The following VWF variants were observed in gnomAD, a reference collection of about 807,000 sequenced individuals.
VWF encodes the protein Factor VIII related antigen.
In VWF, 176 loss-of-function variants were observed where a neutral mutation model predicts 308.6. The ratio of observed to expected loss-of-function variants is 0.57; its 90% confidence interval spans 0.50 to 0.65. VWF has a LOEUF of 0.65. Among genes scored for constraint, VWF ranks in the 30% least tolerant of loss-of-function variants. The pLI is 0.00. For synonymous variants in VWF, 1,385 were observed against 1,443.4 expected (o/e 0.96, Z 0.92); for missense variants, 3,146 against 3,648.2 (o/e 0.86, Z 3.55).
chr12:6,101,450 G>T (rs1945160350), intron 5 of VWF, among the ~76,000 whole-genome samples: 1 of 151,518 alleles, frequency 6.6e-6, no homozygotes, highest in Admixed American at 6.6e-5. Context: ...AAAAAAAAAT[G>T]GAAGTAAGGT....
intron 6 of VWF, among the ~76,000 whole-genome samples, chr12:6,094,903 A>C (rs565004327): frequency 0.011 from 314 of 27,730 alleles, 1 homozygote; most frequent in Middle Eastern, 0.059. Context: ...TTTTTTTTTG[A>C]GACAGAGTCT....
intron 18 of VWF, among the ~76,000 whole-genome samples, chr12:6,044,072 A>T (rs2136439944): frequency 6.6e-6 from 1 of 152,128 alleles, no homozygotes; most frequent in East Asian, 1.9e-4. Flanking sequence ...TCCTGTGAGG[A>T]TCAACCCCAG....
chr12:6,114,068 G>A (rs973415306), intron 3 of VWF, among the ~76,000 whole-genome samples: 4 of 152,146 alleles, frequency 2.6e-5, no homozygotes, highest in East Asian at 1.9e-4. Flanking sequence ...GTTCTGCCTC[G>A]GCTTCACTGG....
Position 5,949,129 on chromosome 12 carries a change from C to T in VWF, c.8328G>A (p.Pro2776=), listed in dbSNP as rs780686569. 3.1e-6 allele frequency: 5 copies of T among 1,614,112 alleles called. No individual in the cohort carries two copies. The highest frequency in any genetic ancestry group is 1.7e-5 in the Admixed American group (1 of 60,012). ...DVQDQCSCCS[P]TRTEPMQVAL... ...CCACCTGCATGGGCTCCGTCCGTGTCGGAGAGCAGCAGGAGCACTGGTCCT... is the reference window on the plus strand; with the variant it reads ...CCACCTGCATGGGCTCCGTCCGTGTTGGAGAGCAGCAGGAGCACTGGTCCT... Residue 2776 remains proline (P), a synonymous_variant, in exon 52 of 52, where the codon CCG becomes CCA. Coordinates refer to ENST00000261405, the MANE Select transcript of VWF (RefSeq NM_000552.5).
In VWF at chr12:6,092,614, T is replaced by TGAGTGAGTGAGTGAGAGAGAGAGAGA. The variant is rs71064187; in HGVS notation, c.657+2845_657+2846insTCTCTCTCTCTCTCACTCACTCACTC. Among the ~76,000 whole-genome samples, 785 of 86,100 alleles carry TGAGTGAGTGAGTGAGAGAGAGAGAGA rather than the reference T, an allele frequency of 9.1e-3. 55 individuals carry two copies. Among genetic ancestry groups the TGAGTGAGTGAGTGAGAGAGAGAGAGA allele is most frequent in the African/African-American group, 0.042 (729 of 17,274 alleles). The allele number at this position is 86,100 out of a possible 152,430, so 56.5% of individuals were successfully genotyped here. A position where few individuals can be genotyped will look rare whatever the true frequency, so the allele number is the denominator to read the frequency against. On this transcript the variant is annotated intron_variant, in intron 6 of 51. Coordinates refer to ENST00000261405, the MANE Select transcript of VWF (RefSeq NM_000552.5). ...CATGCCCAGCTAGTTAGTGAGTGAG[T>TGAGTGAGTGAGTGAGAGAGAGAGAGA]GAGAGTGTGTGTGTGTGTGTGTGTG...
chr12:5,994,228 A>C, intron 36 of VWF, 25 bp from the exon 37 acceptor site: 1 of 1,613,624 alleles, frequency 6.2e-7, no homozygotes, highest in South Asian at 1.1e-5. Flanking sequence ...AAACAAAAAA[A>C]AGATAAACTG....
intron 50 of VWF, 105 bp from the exon 51 acceptor site, chr12:5,949,988 T>C (rs1179355904): frequency 3.0e-6 from 3 of 1,016,676 alleles, no homozygotes; most frequent in Non-Finnish European, 4.6e-6. Flanking sequence ...CCTTTCACAG[T>C]AACCAAATAA....
At chr12:6,123,688 G>A (rs557059734) in intron 1 of VWF, among the ~76,000 whole-genome samples, 1 of 152,288 alleles carries the variant, frequency 6.6e-6, no homozygotes, top group African/African-American at 2.4e-5. Flanking sequence ...TACCACAAGT[G>A]CCTTCACAAG....
intron 38 of VWF, among the ~76,000 whole-genome samples, chr12:5,989,088 T>A (rs1372937091): frequency 2.0e-5 from 3 of 152,102 alleles, no homozygotes; most frequent in Admixed American, 6.5e-5. Flanking sequence ...GGGCCAGAGC[T>A]TCTGGGCCAT....
chr12:6,092,543 G>A (rs905915764), intron 6 of VWF, among the ~76,000 whole-genome samples: 19 of 150,462 alleles, frequency 1.3e-4, no homozygotes, highest in Admixed American at 2.6e-4. Context: ...GTGCACGCGC[G>A]TGTGCCACCA....
In VWF at chr12:5,996,148, A is replaced by G; in HGVS notation, c.5917T>C (p.Ser1973Pro). 1 of 1,614,136 alleles carries G rather than the reference A, an allele frequency of 6.2e-7. No homozygotes were observed. The highest frequency in any genetic ancestry group is 8.5e-7 in the Non-Finnish European group (1 of 1,180,028). Residue 1973 changes from serine (S) to proline (P), a missense_variant, in exon 35 of 52, where the codon TCT (serine) becomes CCT (proline). Physicochemically the swap from Ser to Pro is moderately conservative, Grantham distance 74 (BLOSUM62 -1). This residue lies in a region of VWF where 989 missense variants were observed against 1,117.4 expected (regional missense o/e 0.89). Transcript: ENST00000261405. ...TCCTTGTTTTGAAATAGGACATAAG[A>G]ACAGCTGCCAGTCAGCTTGAAATTC... is the stretch of plus-strand genomic sequence containing the variant. Reference protein sequence around the residue: ...GQNFKLTGSCSYVLFQNKEQD... With the variant: ...GQNFKLTGSCPYVLFQNKEQD...
intron 42 of VWF, among the ~76,000 whole-genome samples, chr12:5,978,842 GGTAGGGGGACTTTTGTCAAAA>G: frequency 6.6e-6 from 1 of 152,270 alleles, no homozygotes; most frequent in South Asian, 2.1e-4. Context: ...TTCACTAAAA[GGTAGGGGGACTTTTGTCAAAA>G]TGGCAGATCC....
chr12:6,064,163 G>A, intron 12 of VWF, 83 bp downstream of exon 12: 1 of 1,607,200 alleles, frequency 6.2e-7, no homozygotes, highest in Non-Finnish European at 8.5e-7. Flanking sequence ...AGGTCCTTAA[G>A]GACAGTGGCC....
Position 6,044,370 on chromosome 12 carries a change from C to T in VWF, c.2363G>A (p.Cys788Tyr), listed in dbSNP as rs61748476. ...GTCATAGTTCTGGCACGTTTTGGTA[C>T]ACTCGAGCCCTTCAGCCCGCAGGTT... ...ADNLRAEGLE[C>Y]TKTCQNYDLE... The change falls in exon 18 of 52, where the codon TGT (cysteine) becomes TAT (tyrosine). Residue 788 changes from cysteine to tyrosine, a missense_variant. By Grantham distance (194) the Cys-to-Tyr change is radical (BLOSUM62 -2). Transcript: ENST00000261405. The T allele has an allele frequency of 6.2e-7, 1 of 1,614,168 alleles. No individual in the cohort carries two copies. Among genetic ancestry groups the T allele is most frequent in the South Asian group, 1.1e-5 (1 of 91,082 alleles).
chr12:6,027,402 T>C (rs1944207376), intron 22 of VWF, among the ~76,000 whole-genome samples: 1 of 152,126 alleles, frequency 6.6e-6, no homozygotes, highest in South Asian at 2.1e-4. Context: ...AAACTATCTA[T>C]AGTAACATTC....
At chr12:5,958,968 C>G (rs1353156865) in intron 47 of VWF, among the ~76,000 whole-genome samples, 1 of 152,058 alleles carries the variant, frequency 6.6e-6, no homozygotes, top group Non-Finnish European at 1.5e-5. Context: ...GTAATCCCAG[C>G]ATTTTGGGAG....
intron 31 of VWF, among the ~76,000 whole-genome samples, chr12:6,015,869 G>A (rs1435639638): frequency 6.6e-6 from 1 of 152,180 alleles, no homozygotes; most frequent in Non-Finnish European, 1.5e-5. Context: ...ATTATAATTA[G>A]TTATAAAGAT....
intron 16 of VWF, among the ~76,000 whole-genome samples, chr12:6,049,115 C>T (rs1198533659): frequency 3.9e-5 from 6 of 152,246 alleles, no homozygotes. Flanking sequence ...CACAGCATTT[C>T]ACCCTCCTGC....
In VWF at chr12:5,993,845, G is replaced by T; in HGVS notation, c.6598+17C>A. 1 of 1,610,524 alleles carries T rather than the reference G, an allele frequency of 6.2e-7. No homozygotes were observed. ...TAGCTGGTCTCCAGGATTTTCAGAG[G>T]TAACTTGGAGACTCACCACAGAAAT... On this transcript the variant is annotated intron_variant, in intron 37 of 51. Transcript: ENST00000261405.
Sources: allele counts gnomAD v4.1 joint callset (sites outside exome capture counted in the v4.1 genomes callset), GRCh38; gene constraint gnomAD v4.1.1; regional missense constraint gnomAD v4.1.1; transcripts MANE v1.5; gene names NCBI Gene and HGNC (gene_info 2026-07-23, HGNC 2026-07-21).